IL17RE: variants seen among roughly 807,000 people sequenced by gnomAD.
IL17RE encodes the protein interleukin-17 receptor E.
IL17RE carries 47 observed loss-of-function variants against 70.7 expected under a neutral mutation model. The observed-to-expected ratio is 0.67, with a 90% CI of 0.53 to 0.85. The LOEUF (loss-of-function observed/expected upper bound fraction) is 0.85, where lower values mean the gene tolerates loss of function less well. Among genes scored for constraint, IL17RE ranks in the 40% least tolerant of loss-of-function variants. IL17RE has a pLI of 0.00. For synonymous variants in IL17RE, 372 were observed against 381.2 expected (o/e 0.98, Z 0.28); for missense variants, 850 against 893.9 (o/e 0.95, Z 0.63).
chr3:9,907,046 T>C lies in IL17RE; in HGVS notation c.612T>C (p.Leu204=). The change falls in exon 6 of 16, where the codon CTT becomes CTC. Residue 204 remains leucine, a synonymous_variant. Coordinates refer to ENST00000383814, the MANE Select transcript of IL17RE (RefSeq NM_153480.2). ...ISSGPEVSVR[L]CHQWALECEE... The stretch of plus-strand genomic sequence containing the variant: ...CAGGCCCTGAGGTCAGCGTGCGTCT[T>C]TGTCACCAGTGGGCACTGGAGTGTG... The C allele has an allele frequency of 6.2e-7, 1 of 1,614,118 alleles. No homozygotes were observed.
chr3:9,909,353 G>T, intron 8 of IL17RE, 70 bp downstream of exon 8: 1 of 1,223,792 alleles, frequency 8.2e-7, no homozygotes, highest in Non-Finnish European at 1.2e-6. Flanking sequence ...ACACACACAT[G>T]TACACACACA....
At chr3:9,902,809 G>A (rs1559264873), upstream of IL17RE, 2 of 1,574,718 alleles carry the variant, frequency 1.3e-6, no homozygotes, top group East Asian at 4.6e-5. Flanking sequence ...GGGCAGGGCG[G>A]GGCCAGGGCA....
At position 9,911,315 on chromosome 3, in the gene IL17RE, G is replaced by A; in HGVS notation, c.1072+15G>A. ...CCACCAGACTGGTGAGTCAATAAGT[G>A]ACCTCTGCTGGGACCCCCTGCCCCA... On this transcript the variant is annotated intron_variant, in intron 11 of 15. Transcript: ENST00000383814. 1 of 1,614,056 alleles carries A rather than the reference G, an allele frequency of 6.2e-7. No individual in the cohort carries two copies. The highest frequency in any genetic ancestry group is 8.5e-7 in the Non-Finnish European group (1 of 1,179,972).
Position 9,915,879 on chromosome 3 carries a change from G to T in IL17RE, c.*72G>T, listed in dbSNP as rs112418076. ...GACACTGGCTGGAACCCCGGAATGA[G>T]CCTTCGACCCTGAAATCCTTGGGGT... On this transcript the variant is annotated 3_prime_UTR_variant, in exon 16 of 16. Transcript: ENST00000383814. The surrounding 1 kb of genome is among the most constrained non-coding windows in gnomAD (Gnocchi z 4.9). 1.3e-3 allele frequency: 1,794 copies of T among 1,430,220 alleles called. 19 individuals carry two copies. In the African/African-American group the frequency reaches 0.023, roughly 18 times the overall value. The allele number at this position is 1,430,220 out of a possible 1,614,324, so 88.6% of individuals were successfully genotyped here. A position where few individuals can be genotyped will look rare whatever the true frequency, so the allele number is the denominator to read the frequency against.
rs748337486 is a variant in IL17RE, at chr3:9,906,847, G to C, written c.508G>C (p.Asp170His). The C allele has an allele frequency of 2.5e-6, 4 of 1,614,046 alleles. No homozygotes were observed. In the East Asian group the frequency reaches 8.9e-5, roughly 36 times the overall value. Residue 170 changes from aspartate (D) to histidine (H), a missense_variant, in exon 5 of 16, where the codon GAC (aspartate) becomes CAC (histidine). Coordinates refer to ENST00000383814, the MANE Select transcript of IL17RE (RefSeq NM_153480.2). Reference protein sequence around the residue: ...PETWESLPRLDSQRHGGPEFS... With the variant: ...PETWESLPRLHSQRHGGPEFS... ...GACATGGGAAAGTCTTCCCAGATTG[G>C]ACTCACAAAGGCATGGAGGTGGGCA...
chr3:9,906,690 T>G lies in IL17RE; in HGVS notation c.367-16T>G, dbSNP rs1444503556. On this transcript the variant is annotated splice_polypyrimidine_tract_variant and intron_variant, in intron 4 of 15. Transcript: ENST00000383814. The stretch of plus-strand genomic sequence containing the variant: ...CTGATTTCTGGCCTGAGGCCAACCT[T>G]GTTCTCTGCCTTTAGAGGAAGCTGC... 8 of 1,614,084 alleles carry G rather than the reference T, an allele frequency of 5.0e-6. No homozygotes were observed. The highest frequency in any genetic ancestry group is 1.3e-5 in the African/African-American group (1 of 75,036).
chr3:9,912,829 A>C (rs1324098314), intron 12 of IL17RE, among the ~76,000 whole-genome samples: 2 of 152,200 alleles, frequency 1.3e-5, no homozygotes, highest in Non-Finnish European at 2.9e-5. Context: ...TGATCATGCC[A>C]CAGCACTCCA....
intron 2 of IL17RE, among the ~76,000 whole-genome samples, 156 bp downstream of exon 2, chr3:9,903,568 A>T: frequency 6.6e-6 from 1 of 152,348 alleles, no homozygotes; most frequent in East Asian, 1.9e-4. Flanking sequence ...TTCACATTGC[A>T]GTTCTGCCAG....
rs1320759876 is a variant in IL17RE, at chr3:9,915,266, G to C, written c.1463G>C (p.Arg488Pro). 5.0e-6 allele frequency: 7 copies of C among 1,396,290 alleles called. No homozygotes were observed. Among genetic ancestry groups the C allele is most frequent in the African/African-American group, 1.5e-5 (1 of 66,190 alleles). 86.5% of individuals were successfully genotyped at this position (1,396,290 alleles called of 1,614,324 possible). The change falls in exon 16 of 16, where the codon CGG becomes CCG. Residue 488 changes from arginine to proline, a missense_variant. Transcript: ENST00000383814. This position sits in a 1 kb window ranked among gnomAD's most constrained non-coding sequence, Gnocchi z 4.9. Reference sequence around the variant, plus strand: ...CCGCCACCAGGCCCGGGCCCAGCGCGGCCAGTGCTCCTCCTGCACGCGGCG... The same window carrying C: ...CCGCCACCAGGCCCGGGCCCAGCGCCGCCAGTGCTCCTCCTGCACGCGGCG... The part of the protein sequence containing the change: ...RRPQSGPGPA[R>P]PVLLLHAADS...
Position 9,906,817 on chromosome 3 carries a change from C to G in IL17RE, c.478C>G (p.Pro160Ala). ...LRSKRTQPSD[P>A]ETWESLPRLD... ...CTCTAAAAGGACCCAACCTTCGGAT[C>G]CAGAGACATGGGAAAGTCTTCCCAG... The change falls in exon 5 of 16, where the codon CCA becomes GCA. Residue 160 changes from proline (P) to alanine (A), a missense_variant. By Grantham distance (27) the Pro-to-Ala change is conservative (BLOSUM62 -1). Coordinates refer to ENST00000383814, the MANE Select transcript of IL17RE (RefSeq NM_153480.2). The G allele has an allele frequency of 1.2e-6, 2 of 1,614,190 alleles. No homozygotes were observed. Among genetic ancestry groups the G allele is most frequent in the Non-Finnish European group, 1.7e-6 (2 of 1,180,030 alleles).
chr3:9,915,276 C>A lies in IL17RE; in HGVS notation c.1473C>A (p.Leu491=), dbSNP rs2125098182. 1 of 1,408,588 alleles carries A rather than the reference C, an allele frequency of 7.1e-7. No individual in the cohort carries two copies. The highest frequency in any genetic ancestry group is 1.6e-5 in the South Asian group (1 of 63,458). 87.3% of individuals were successfully genotyped at this position (1,408,588 alleles called of 1,614,324 possible). ...GCCCGGGCCCAGCGCGGCCAGTGCTCCTCCTGCACGCGGCGGACTCGGAGG... is the reference window on the plus strand; with the variant it reads ...GCCCGGGCCCAGCGCGGCCAGTGCTACTCCTGCACGCGGCGGACTCGGAGG... The part of the protein sequence containing the change: ...QSGPGPARPV[L]LLHAADSEAQ... The change falls in exon 16 of 16, where the codon CTC becomes CTA. Residue 491 remains leucine, a synonymous_variant. Coordinates refer to ENST00000383814, the MANE Select transcript of IL17RE (RefSeq NM_153480.2). This position sits in a 1 kb window ranked among gnomAD's most constrained non-coding sequence, Gnocchi z 4.9.
At position 9,908,678 on chromosome 3, in the gene IL17RE, T is replaced by TG. The variant is rs1343126991; in HGVS notation, c.735+371_735+372insG. Reference sequence around the variant, plus strand: ...GATCCATATGCCCCCAAAAGTCTTGTCCCCTCTAGGCCTCTGTGGCAGTCC... The same window carrying TG: ...GATCCATATGCCCCCAAAAGTCTTGTGCCCCTCTAGGCCTCTGTGGCAGTCC... On this transcript the variant is annotated intron_variant, in intron 7 of 15. Coordinates refer to ENST00000383814, the MANE Select transcript of IL17RE (RefSeq NM_153480.2). Among the ~76,000 whole-genome samples, 13 of 152,276 alleles carry TG rather than the reference T, an allele frequency of 8.5e-5. No homozygotes were observed. The East Asian group carries it at 2.5e-3, about 29-fold the overall frequency.
Position 9,903,449 on chromosome 3 carries a change from G to A in IL17RE, c.148+37G>A, listed in dbSNP as rs372090289. ...TTCCTGCCCCATTGCTCCTCCCCACGCCCACTATTTTTGCAGATGCCTAGC... is the reference window on the plus strand; with the variant it reads ...TTCCTGCCCCATTGCTCCTCCCCACACCCACTATTTTTGCAGATGCCTAGC... On this transcript the variant is annotated intron_variant, in intron 2 of 15. Coordinates refer to ENST00000383814, the MANE Select transcript of IL17RE (RefSeq NM_153480.2). 36 of 1,611,794 alleles carry A rather than the reference G, an allele frequency of 2.2e-5. 1 individual carries two copies. The highest frequency in any genetic ancestry group is 2.6e-5 in the Non-Finnish European group (31 of 1,178,558).
chr3:9,915,828 C>T lies in IL17RE; in HGVS notation c.*21C>T, dbSNP rs1312584687. The T allele has an allele frequency of 2.7e-6, 4 of 1,480,610 alleles. No individual in the cohort carries two copies. The highest frequency in any genetic ancestry group is 1.3e-5 in the South Asian group (1 of 74,470). The allele number at this position is 1,480,610 out of a possible 1,614,324, so 91.7% of individuals were successfully genotyped here. A position where few individuals can be genotyped will look rare whatever the true frequency, so the allele number is the denominator to read the frequency against. ...GTTGAGCAGAGCTCCACCGCAGTCCCGGGTGTCTGCGGCCGCAACGCAACG... is the reference window on the plus strand; with the variant it reads ...GTTGAGCAGAGCTCCACCGCAGTCCTGGGTGTCTGCGGCCGCAACGCAACG... On this transcript the variant is annotated 3_prime_UTR_variant, in exon 16 of 16. Transcript: ENST00000383814. This position sits in a 1 kb window ranked among gnomAD's most constrained non-coding sequence, Gnocchi z 4.9.
At chr3:9,914,089 C>T (rs1239400599) in intron 13 of IL17RE, 65 bp downstream of exon 13, 10 of 1,299,052 alleles carry the variant, frequency 7.7e-6, no homozygotes, top group East Asian at 2.3e-5. Context: ...TGGCACCCAC[C>T]CCTGGAAAAT....
rs1467767987 is a variant in IL17RE at position 9,916,288 on chromosome 3, C to G, written c.*481C>G. On this transcript the variant is annotated 3_prime_UTR_variant, in exon 16 of 16. Coordinates refer to ENST00000383814, the MANE Select transcript of IL17RE (RefSeq NM_153480.2). ...AGGACTCTGGACCTAGGAAAAGAGG[C>G]TTTTGGCTCCAGGTGGTCAGGACAG... is the stretch of plus-strand genomic sequence containing the variant. 1 of 108,532 alleles carries G rather than the reference C, an allele frequency of 9.2e-6. No individual in the cohort carries two copies. The highest frequency in any genetic ancestry group is 1.7e-5 in the Non-Finnish European group (1 of 59,576). 6.7% of individuals were successfully genotyped at this position (108,532 alleles called of 1,614,324 possible). A position where few individuals can be genotyped will look rare whatever the true frequency, so the allele number is the denominator to read the frequency against.
intron 8 of IL17RE, chr3:9,909,587 A>G: frequency 2.7e-6 from 1 of 364,342 alleles, no homozygotes. Context: ...AGTTCCCATC[A>G]CAGCTCTGTC....
intron 13 of IL17RE, chr3:9,914,347 T>G: frequency 2.7e-5 from 38 of 1,400,800 alleles, no homozygotes; most frequent in Non-Finnish European, 3.3e-5. Context: ...GTTTACTTTT[T>G]GAGTTTGGCC....
intron 7 of IL17RE, among the ~76,000 whole-genome samples, 188 bp from the exon 8 acceptor site, chr3:9,909,029 C>G (rs974834231): frequency 2.6e-5 from 4 of 152,142 alleles, no homozygotes; most frequent in African/African-American, 9.7e-5. Context: ...TTGCTTATCC[C>G]TCTCCTATGC....
Sources: gnomAD v4.1 joint callset for allele counts (sites outside exome capture counted in the v4.1 genomes callset) on GRCh38, gnomAD v4.1.1 for gene constraint, Gnocchi (gnomAD v3.1) non-coding constraint, MANE v1.5 for transcripts, NCBI Gene and HGNC (gene_info 2026-07-23, HGNC 2026-07-21) for gene names.